The following SUMF1 variants were observed in gnomAD, a reference collection of about 807,000 sequenced individuals.
SUMF1 encodes the protein sulfatase modifying factor 1, also known as formylglycine-generating enzyme.
Under a neutral mutation model 47.6 loss-of-function variants are expected in SUMF1, and 48 were observed. That is an observed-to-expected ratio of 1.01 (90% CI 0.80 to 1.28). The LOEUF (loss-of-function observed/expected upper bound fraction) is 1.28. SUMF1 is among the 50% of genes most tolerant of loss of function. The probability of loss-of-function intolerance (pLI) is 0.00; values close to 1 mark genes in which losing one functional copy is unlikely to be tolerated. For missense variants in SUMF1, 571 were observed against 485.4 expected, an observed-to-expected ratio of 1.18 and a Z score of -1.66; for synonymous variants, 230 against 192.1, an observed-to-expected ratio of 1.20 and a Z score of -1.63.
chr3:4,218,016 C>G (rs1433192177), intron 8 of SUMF1, among the ~76,000 whole-genome samples: 1 of 151,962 alleles, frequency 6.6e-6, no homozygotes, highest in African/African-American at 2.4e-5. Flanking sequence ...CTTAATTCGA[C>G]ATAGTGGTCA....
intron 1 of SUMF1, among the ~76,000 whole-genome samples, chr3:4,456,575 C>A (rs1319623398): frequency 1.4e-5 from 2 of 147,170 alleles, no homozygotes; most frequent in Non-Finnish European, 3.0e-5. Context: ...CCTCAGCCTC[C>A]TGAGTAGCTG....
At chr3:4,190,679 C>G (rs770559802) in intron 8 of SUMF1, among the ~76,000 whole-genome samples, 30 of 152,202 alleles carry the variant, frequency 2.0e-4, no homozygotes, top group Middle Eastern at 3.4e-3. Flanking sequence ...TTCCCAAGGT[C>G]ACATAGACTA....
intron 6 of SUMF1, among the ~76,000 whole-genome samples, chr3:4,416,502 G>C (rs1701717279): frequency 6.6e-6 from 1 of 152,178 alleles, no homozygotes; most frequent in Admixed American, 6.5e-5. Flanking sequence ...AAAAAAATAT[G>C]ATACATATAC....
intron 8 of SUMF1, among the ~76,000 whole-genome samples, chr3:4,353,402 G>A (rs546567449): frequency 1.4e-3 from 211 of 152,172 alleles, no homozygotes; most frequent in African/African-American, 4.7e-3. Flanking sequence ...ACAGGCACCC[G>A]CCACCACGCC....
chr3:4,253,192 T>A (rs1696847214), intron 8 of SUMF1, among the ~76,000 whole-genome samples: 1 of 152,100 alleles, frequency 6.6e-6, no homozygotes. Flanking sequence ...CAAGAAGGGA[T>A]CATAATTTGA....
At chr3:4,379,840 C>CAAAAAAAAAAAAAAAAAAAAAAAAA (rs58264459) in intron 7 of SUMF1, among the ~76,000 whole-genome samples, 1 of 76,882 alleles carries the variant, frequency 1.3e-5, no homozygotes, top group African/African-American at 5.3e-5. Context: ...GCCTCCATCT[C>CAAAAAAAAAAAAAAAAAAAAAAAAA]AAAAAAAAAA....
At chr3:4,254,632 G>A (rs1209057642) in intron 8 of SUMF1, among the ~76,000 whole-genome samples, 8 of 129,792 alleles carry the variant, frequency 6.2e-5, no homozygotes, top group South Asian at 4.9e-4. Flanking sequence ...CCAAATCTAC[G>A]TCTGATTGGT....
At chr3:4,114,779 G>C (rs1267414158) in intron 8 of SUMF1, among the ~76,000 whole-genome samples, 1 of 152,114 alleles carries the variant, frequency 6.6e-6, no homozygotes, top group African/African-American at 2.4e-5. Flanking sequence ...ATGTGCATTA[G>C]ACACACCCAT....
chr3:4,142,685 G>C (rs909328794), intron 8 of SUMF1, among the ~76,000 whole-genome samples: 4 of 152,004 alleles, frequency 2.6e-5, no homozygotes, highest in East Asian at 1.9e-4. Flanking sequence ...ACCTCAATTA[G>C]ATCAGAGGTT....
intron 8 of SUMF1, among the ~76,000 whole-genome samples, chr3:4,273,107 C>CAT (rs1185248114): frequency 8.1e-5 from 12 of 148,276 alleles, no homozygotes; most frequent in South Asian, 2.1e-4. Flanking sequence ...TATATATATA[C>CAT]ATATATATAT....
intron 8 of SUMF1, among the ~76,000 whole-genome samples, chr3:4,149,285 C>G (rs900418842): frequency 1.3e-5 from 2 of 152,126 alleles, no homozygotes; most frequent in Admixed American, 1.3e-4. Flanking sequence ...AATCACTGAA[C>G]CTACTGAGAG....
chr3:4,290,942 G>A (rs1272388128), intron 8 of SUMF1, among the ~76,000 whole-genome samples: 4 of 152,026 alleles, frequency 2.6e-5, no homozygotes, highest in African/African-American at 9.7e-5. Context: ...CTGTAAATCC[G>A]AACACTTGTA....
intron 3 of SUMF1, 145 bp downstream of exon 3, chr3:4,449,121 G>T: frequency 1.1e-6 from 1 of 880,120 alleles, no homozygotes; most frequent in Non-Finnish European, 1.9e-6. Flanking sequence ...TGGTCCATGG[G>T]CCTATTATTT....
intron 8 of SUMF1, among the ~76,000 whole-genome samples, chr3:4,155,366 A>C (rs1301905070): frequency 6.6e-6 from 1 of 151,510 alleles, no homozygotes; most frequent in Non-Finnish European, 1.5e-5. Flanking sequence ...GGGGAGCAAA[A>C]ATTCCTTCTT....
At chr3:4,070,176 T>G (rs1334285743) in intron 8 of SUMF1, among the ~76,000 whole-genome samples, 1 of 152,198 alleles carries the variant, frequency 6.6e-6, no homozygotes, top group East Asian at 1.9e-4. Context: ...TTGTCCCACC[T>G]TTCTGAACCC....
At chr3:4,199,838 A>T (rs949681148) in intron 8 of SUMF1, among the ~76,000 whole-genome samples, 32 of 152,050 alleles carry the variant, frequency 2.1e-4, no homozygotes, top group African/African-American at 7.0e-4. Flanking sequence ...CAGGTTATTT[A>T]ATTGTAAGAG....
chr3:4,435,415 C>T (rs961036997), intron 3 of SUMF1, among the ~76,000 whole-genome samples: 14 of 152,056 alleles, frequency 9.2e-5, no homozygotes, highest in African/African-American at 3.1e-4. Context: ...CTCTGGGATA[C>T]TATCAAAAGG....
At chr3:4,050,965 A>T (rs1480436515) in intron 9 of SUMF1, among the ~76,000 whole-genome samples, 5 of 151,948 alleles carry the variant, frequency 3.3e-5, no homozygotes, top group Admixed American at 3.3e-4. Context: ...GTGAGAGAAA[A>T]CTACGCACTC....
At chr3:4,333,943 T>C (rs1442842338) in intron 8 of SUMF1, among the ~76,000 whole-genome samples, 2 of 151,506 alleles carry the variant, frequency 1.3e-5, no homozygotes, top group South Asian at 2.1e-4. Context: ...ACCTGAACAA[T>C]ACAGTGAGAC....
Sources: gnomAD v4.1 joint callset for allele counts (sites outside exome capture counted in the v4.1 genomes callset) on GRCh38, gnomAD v4.1.1 for gene constraint, MANE v1.5 for transcripts, NCBI Gene and HGNC (gene_info 2026-07-23, HGNC 2026-07-21) for gene names.